FGF12: variants seen among roughly 807,000 people sequenced by gnomAD.
FGF12 encodes fibroblast growth factor 12, also known as fibroblast growth factor 12B.
A neutral mutation model predicts 23.6 loss-of-function variants in FGF12; 14 were observed. The ratio of observed to expected loss-of-function variants is 0.59; its 90% CI spans 0.39 to 0.93. FGF12 has a LOEUF of 0.93. Ranked by LOEUF, FGF12 falls within the 40% of genes least tolerant of loss-of-function variation. The pLI is 0.00. For missense variants in FGF12, 175 were observed against 217.8 expected (o/e 0.80, Z 1.24); for synonymous variants, 62 against 77.3 (o/e 0.80, Z 1.04).
intron 4 of FGF12, among the ~76,000 whole-genome samples, chr3:192,332,429 A>C (rs2108694609): frequency 6.6e-6 from 1 of 152,244 alleles, no homozygotes; most frequent in Non-Finnish European, 1.5e-5. Context: ...AGGAAATTTA[A>C]AAAAATACAA....
chr3:192,524,149 C>T, intron 2 of FGF12, among the ~76,000 whole-genome samples: 1 of 152,172 alleles, frequency 6.6e-6, no homozygotes, highest in East Asian at 1.9e-4. Context: ...GAACCCCTGC[C>T]CCCTTCCTAG....
chr3:192,345,176 A>C (rs1278580954), intron 3 of FGF12, among the ~76,000 whole-genome samples: 1 of 152,222 alleles, frequency 6.6e-6, no homozygotes, highest in Non-Finnish European at 1.5e-5. Flanking sequence ...CTTGCAATAC[A>C]GTGGTAGAAA....
chr3:192,155,928 G>T (rs1468696314), intron 5 of FGF12, among the ~76,000 whole-genome samples: 1 of 152,082 alleles, frequency 6.6e-6, no homozygotes, highest in Non-Finnish European at 1.5e-5. Context: ...AAGATTCCTA[G>T]TCCCTTGATT....
intron 2 of FGF12, among the ~76,000 whole-genome samples, chr3:192,644,593 G>T (rs550965002): frequency 6.6e-6 from 1 of 152,202 alleles, no homozygotes; most frequent in South Asian, 2.1e-4. Context: ...AAAATAATAT[G>T]AATAAGAATT....
At chr3:192,539,237 T>TC (rs1253897236) in intron 2 of FGF12, among the ~76,000 whole-genome samples, 3 of 152,214 alleles carry the variant, frequency 2.0e-5, no homozygotes, top group Admixed American at 2.0e-4. Context: ...AACAATGCTC[T>TC]CCATTTTTCC....
At chr3:192,576,772 C>T (rs1001080908) in intron 2 of FGF12, among the ~76,000 whole-genome samples, 1 of 152,132 alleles carries the variant, frequency 6.6e-6, no homozygotes, top group Non-Finnish European at 1.5e-5. Flanking sequence ...TTTATTGCGG[C>T]ACTATTCACA....
At chr3:192,247,379 T>C (rs1711693003) in intron 4 of FGF12, among the ~76,000 whole-genome samples, 1 of 152,150 alleles carries the variant, frequency 6.6e-6, no homozygotes, top group African/African-American at 2.4e-5. Flanking sequence ...ATTCATTCAG[T>C]TTCTACTAGC....
At chr3:192,711,944 A>C (rs989695960) in intron 2 of FGF12, among the ~76,000 whole-genome samples, 2 of 147,040 alleles carry the variant, frequency 1.4e-5, no homozygotes, top group Non-Finnish European at 3.0e-5. Flanking sequence ...AACGATCAAA[A>C]AAAAAAAAAA....
chr3:192,146,671 A>C (rs906688550), intron 5 of FGF12, among the ~76,000 whole-genome samples: 5 of 151,796 alleles, frequency 3.3e-5, no homozygotes, highest in African/African-American at 1.2e-4. Flanking sequence ...ATTCACTTGG[A>C]CTTTTATCTT....
rs1475172358 is a variant in FGF12, at chr3:192,665,119, T to C, written c.13+62062A>G. 4.6e-5 allele frequency among the ~76,000 whole-genome samples: 7 copies of C among 152,196 alleles called. No homozygotes were observed. The East Asian group carries it at 1.3e-3, about 29-fold the overall frequency. On this transcript the variant is annotated intron_variant, in intron 2 of 5. Coordinates refer to ENST00000445105, the MANE Select transcript of FGF12 (RefSeq NM_004113.6). ...GTATTAGAGAGATTGAGCTTTTTAT[T>C]GAAATACAGGTAGTTACAAAATATT...
At chr3:192,220,691 G>A (rs1718423507) in intron 4 of FGF12, among the ~76,000 whole-genome samples, 1 of 152,076 alleles carries the variant, frequency 6.6e-6, no homozygotes, top group African/African-American at 2.4e-5. Context: ...AATAATAACT[G>A]ACTTCTATAA....
At chr3:192,696,441 A>G (rs1234939045) in intron 2 of FGF12, among the ~76,000 whole-genome samples, 2 of 152,234 alleles carry the variant, frequency 1.3e-5, no homozygotes, top group East Asian at 3.9e-4. Flanking sequence ...GGAGCCCAGA[A>G]CAGCTGGTGG....
At chr3:192,577,905 A>G (rs1712978363) in intron 2 of FGF12, among the ~76,000 whole-genome samples, 1 of 152,246 alleles carries the variant, frequency 6.6e-6, no homozygotes, top group South Asian at 2.1e-4. Context: ...GGATGCTTCA[A>G]TTCAAACAAA....
chr3:192,211,572 C>G (rs1212829439), intron 4 of FGF12, among the ~76,000 whole-genome samples: 2 of 151,838 alleles, frequency 1.3e-5, no homozygotes, highest in Admixed American at 1.3e-4. Flanking sequence ...ATTACAGGTG[C>G]CCCCCACCAC....
At chr3:192,177,992 G>A (rs766627509) in intron 4 of FGF12, among the ~76,000 whole-genome samples, 26 of 151,670 alleles carry the variant, frequency 1.7e-4, no homozygotes, top group Non-Finnish European at 3.2e-4. Flanking sequence ...TATTCTCTTC[G>A]TATTCTCAAC....
At chr3:192,651,457 T>G (rs1314878500) in intron 2 of FGF12, among the ~76,000 whole-genome samples, 1 of 152,200 alleles carries the variant, frequency 6.6e-6, no homozygotes, top group Non-Finnish European at 1.5e-5. Context: ...TACTGGTATA[T>G]GGCAAATAAG....
chr3:192,322,457 G>GA (rs1258197909), intron 4 of FGF12, among the ~76,000 whole-genome samples: 1 of 151,244 alleles, frequency 6.6e-6, no homozygotes, highest in Admixed American at 6.6e-5. Flanking sequence ...TACAGAAATA[G>GA]AAAAAAATAA....
intron 2 of FGF12, among the ~76,000 whole-genome samples, chr3:192,630,028 T>C (rs1309383635): frequency 6.6e-6 from 1 of 152,088 alleles, no homozygotes; most frequent in Admixed American, 6.5e-5. Flanking sequence ...GATTGGATCA[T>C]GGGGTGGATT....
intron 2 of FGF12, among the ~76,000 whole-genome samples, chr3:192,518,656 C>T (rs1257677980): frequency 2.0e-5 from 3 of 152,060 alleles, no homozygotes; most frequent in African/African-American, 7.2e-5. Context: ...AAGAAACCAA[C>T]ATATAAACTA....
Sources: allele counts gnomAD v4.1 joint callset (sites outside exome capture counted in the v4.1 genomes callset), GRCh38; gene constraint gnomAD v4.1.1; transcripts MANE v1.5; gene names NCBI Gene and HGNC (gene_info 2026-07-23, HGNC 2026-07-21).